The following RPS6KA2 variants were observed in gnomAD, a reference collection of about 807,000 sequenced individuals.
The protein encoded by RPS6KA2 is ribosomal protein S6 kinase A2.
A neutral mutation model predicts 91.8 loss-of-function variants in RPS6KA2; 42 were observed. The observed-to-expected ratio is 0.46, with a 90% CI of 0.36 to 0.59. The LOEUF is 0.59. RPS6KA2 is among the 20% of genes least tolerant of loss of function. The pLI, the probability that RPS6KA2 is intolerant of heterozygous loss-of-function variation, is 0.00. For synonymous variants in RPS6KA2, 414 were observed against 393.6 expected, an observed-to-expected ratio of 1.05 and a Z score of -0.61; for missense variants, 798 against 978.5, an observed-to-expected ratio of 0.82 and a Z score of 2.46.
At chr6:166,505,181 C>T (rs1229762617) in intron 5 of RPS6KA2, among the ~76,000 whole-genome samples, 1 of 152,226 alleles carries the variant, frequency 6.6e-6, no homozygotes, top group South Asian at 2.1e-4. Context: ...CTATGGGTGC[C>T]CCAAGCTGAG....
At chr6:166,782,085 G>C (rs1778788294) in intron 2 of RPS6KA2, among the ~76,000 whole-genome samples, 1 of 152,192 alleles carries the variant, frequency 6.6e-6, no homozygotes, top group Non-Finnish European at 1.5e-5. Flanking sequence ...GAGGTCAGGA[G>C]TTTGAGACCA....
intron 2 of RPS6KA2, among the ~76,000 whole-genome samples, chr6:166,854,349 G>T (rs6456130): frequency 0.94 from 143,143 of 152,202 alleles, 67,737 homozygotes; most frequent in Non-Finnish European, 0.99. Flanking sequence ...TCCTATGTGA[G>T]CTATCCCAAA....
chr6:166,496,544 T>C (rs555735396), intron 8 of RPS6KA2, among the ~76,000 whole-genome samples: 1 of 152,262 alleles, frequency 6.6e-6, no homozygotes, highest in African/African-American at 2.4e-5. Context: ...ATGTGGTGTT[T>C]TGGCTGTGCT....
At chr6:166,471,184 G>A (rs1276034653) in intron 10 of RPS6KA2, among the ~76,000 whole-genome samples, 1 of 152,248 alleles carries the variant, frequency 6.6e-6, no homozygotes, top group Non-Finnish European at 1.5e-5. Flanking sequence ...TCCTGGAAGA[G>A]CGGGGCTGCC....
intron 1 of RPS6KA2, among the ~76,000 whole-genome samples, chr6:166,585,498 C>CTT (rs58153048): frequency 0.093 from 8,015 of 86,212 alleles, 475 homozygotes; most frequent in Middle Eastern, 0.13. Context: ...TCAAACAAGT[C>CTT]TTTTTTTTTT....
At chr6:166,724,612 G>A (rs539732674) in intron 2 of RPS6KA2, among the ~76,000 whole-genome samples, 2 of 152,296 alleles carry the variant, frequency 1.3e-5, no homozygotes, top group South Asian at 2.1e-4. Flanking sequence ...CACGGCCACG[G>A]CCTCAGCTTT....
chr6:166,840,405 T>G (rs907083285), intron 2 of RPS6KA2, among the ~76,000 whole-genome samples: 1 of 152,210 alleles, frequency 6.6e-6, no homozygotes, highest in Non-Finnish European at 1.5e-5. Flanking sequence ...GGGGACCCTC[T>G]GTGGCTGAAA....
intron 1 of RPS6KA2, among the ~76,000 whole-genome samples, chr6:166,571,538 C>T (rs532349505): frequency 5.9e-5 from 9 of 152,158 alleles, no homozygotes; most frequent in Admixed American, 3.3e-4. Flanking sequence ...CGCACATGCG[C>T]GTTCTAGCAC....
chr6:166,583,594 G>T (rs1399736021), intron 1 of RPS6KA2, among the ~76,000 whole-genome samples: 1 of 152,208 alleles, frequency 6.6e-6, no homozygotes, highest in Non-Finnish European at 1.5e-5. Flanking sequence ...AGACGCTCCT[G>T]ATAAATGTCT....
intron 3 of RPS6KA2, among the ~76,000 whole-genome samples, chr6:166,528,298 GAC>G (rs1783136546): frequency 6.6e-6 from 1 of 152,096 alleles, no homozygotes; most frequent in Non-Finnish European, 1.5e-5. Context: ...TGACAAACCT[GAC>G]AAAAACAAGA....
Position 166,410,671 on chromosome 6 carries a change from AT to A in RPS6KA2, c.*2090del, listed in dbSNP as rs1243602970. 1 of 152,088 alleles carries A rather than the reference AT, an allele frequency of 6.6e-6. No individual in the cohort carries two copies. The highest frequency in any genetic ancestry group is 1.5e-5 in the Non-Finnish European group (1 of 68,012). The allele number at this position is 152,088 out of a possible 1,614,324, so 9.4% of individuals were successfully genotyped here. A position where few individuals can be genotyped will look rare whatever the true frequency, so the allele number is the denominator to read the frequency against. ...GAAAAAGACCATGAGCTGGTGCCCCATGGGCACACAAGGAGGGAAAACCGTG... is the reference window on the plus strand; with the variant it reads ...GAAAAAGACCATGAGCTGGTGCCCCAGGGCACACAAGGAGGGAAAACCGTG... On this transcript the variant is annotated 3_prime_UTR_variant, in exon 21 of 21. Coordinates refer to ENST00000265678, the MANE Select transcript of RPS6KA2 (RefSeq NM_021135.6).
chr6:166,735,444 AT>A, intron 2 of RPS6KA2, among the ~76,000 whole-genome samples: 1 of 152,194 alleles, frequency 6.6e-6, no homozygotes, highest in Non-Finnish European at 1.5e-5. Flanking sequence ...TTTCAGGATG[AT>A]TCAAGCACAT....
chr6:166,796,904 C>G (rs1779240449), intron 2 of RPS6KA2, among the ~76,000 whole-genome samples: 2 of 152,274 alleles, frequency 1.3e-5, no homozygotes, highest in African/African-American at 4.8e-5. Context: ...CAACTCTTTT[C>G]TCCCGCTAAT....
chr6:166,807,389 C>A (rs1225907181), intron 2 of RPS6KA2, among the ~76,000 whole-genome samples: 1 of 152,158 alleles, frequency 6.6e-6, no homozygotes, highest in Non-Finnish European at 1.5e-5. Context: ...CACATGTGTT[C>A]TTTTTTCCAC....
intron 2 of RPS6KA2, among the ~76,000 whole-genome samples, chr6:166,765,564 T>C (rs1224089976): frequency 6.6e-6 from 1 of 152,182 alleles, no homozygotes; most frequent in Non-Finnish European, 1.5e-5. Flanking sequence ...TTTTCGTAGA[T>C]TATAAAGGAT....
intron 2 of RPS6KA2, among the ~76,000 whole-genome samples, chr6:166,771,677 A>AGGAAGAATTC (rs1358939678): frequency 6.6e-6 from 1 of 152,226 alleles, no homozygotes; most frequent in Non-Finnish European, 1.5e-5. Flanking sequence ...TAAGAGATGA[A>AGGAAGAATTC]GGAAGAAGCC....
chr6:166,790,301 G>C (rs1471915288), intron 2 of RPS6KA2, among the ~76,000 whole-genome samples: 2 of 152,152 alleles, frequency 1.3e-5, no homozygotes, highest in African/African-American at 2.4e-5. Flanking sequence ...AGTGAGAAAG[G>C]AAGTTTAGAG....
At chr6:166,819,867 TA>T (rs1779860683) in intron 2 of RPS6KA2, among the ~76,000 whole-genome samples, 1 of 152,200 alleles carries the variant, frequency 6.6e-6, no homozygotes, top group Admixed American at 6.5e-5. Context: ...GGTAAATTAC[TA>T]GAAAGGGGAG....
intron 1 of RPS6KA2, among the ~76,000 whole-genome samples, chr6:166,583,513 C>T (rs746432066): frequency 3.3e-5 from 5 of 152,166 alleles, no homozygotes; most frequent in African/African-American, 4.8e-5. Flanking sequence ...CTGGCCAGGC[C>T]GTGCTGAAAC....
Sources: gnomAD v4.1 joint callset for allele counts (sites outside exome capture counted in the v4.1 genomes callset) on GRCh38, gnomAD v4.1.1 for gene constraint, MANE v1.5 for transcripts, NCBI Gene and HGNC (gene_info 2026-07-23, HGNC 2026-07-21) for gene names.